ARHGAP28: variants seen among roughly 807,000 people sequenced by gnomAD.
ARHGAP28 encodes the protein Rho GTPase activating protein 28.
Under a neutral mutation model 90.7 loss-of-function variants are expected in ARHGAP28, and 56 were observed. That is an observed-to-expected ratio of 0.62 (90% CI 0.50 to 0.77). The LOEUF (loss-of-function observed/expected upper bound fraction) is 0.77, where lower values mean the gene tolerates loss of function less well. Among genes scored for constraint, ARHGAP28 ranks in the 30% least tolerant of loss-of-function variants. The pLI, the probability that ARHGAP28 is intolerant of heterozygous loss-of-function variation, is 0.00. For synonymous variants in ARHGAP28, 308 were observed against 323.3 expected, an observed-to-expected ratio of 0.95 and a Z score of 0.51; for missense variants, 869 against 900.9, an observed-to-expected ratio of 0.96 and a Z score of 0.45.
intron 1 of ARHGAP28, among the ~76,000 whole-genome samples, chr18:6,771,559 T>C (rs1316186812): frequency 5.9e-5 from 9 of 152,220 alleles, no homozygotes; most frequent in Non-Finnish European, 1.3e-4. Flanking sequence ...TTTCATCTCT[T>C]GGTAATTTTA....
chr18:6,838,940 T>C (rs975576328), intron 3 of ARHGAP28, among the ~76,000 whole-genome samples: 9 of 152,228 alleles, frequency 5.9e-5, no homozygotes, highest in African/African-American at 2.2e-4. Flanking sequence ...TTTAAATTCT[T>C]TGGGCCTGAC....
chr18:6,738,283 A>G (rs912478780), intron 1 of ARHGAP28, among the ~76,000 whole-genome samples: 11 of 152,086 alleles, frequency 7.2e-5, no homozygotes, highest in Non-Finnish European at 1.5e-4. Context: ...CCACAAATTT[A>G]CTTATATACA....
At chr18:6,831,471 G>GTTTTT (rs57331018) in intron 2 of ARHGAP28, among the ~76,000 whole-genome samples, 51 of 109,290 alleles carry the variant, frequency 4.7e-4, no homozygotes, top group East Asian at 1.4e-3. Flanking sequence ...GTATCTTGAT[G>GTTTTT]TTTTTTTTTT....
In ARHGAP28 at chr18:6,914,369, T is replaced by G. The variant is rs1028393754; in HGVS notation, c.*2215T>G. ...TGGCAACTTTCAACTTCCATACGTATATATGTATGTATGGAAGGCCATGTC... is the reference window on the plus strand; with the variant it reads ...TGGCAACTTTCAACTTCCATACGTAGATATGTATGTATGGAAGGCCATGTC... On this transcript the variant is annotated 3_prime_UTR_variant, in exon 18 of 18. Transcript: ENST00000383472. The G allele has an allele frequency of 1.3e-5, 2 of 152,306 alleles. No homozygotes were observed. Among genetic ancestry groups the G allele is most frequent in the East Asian group, 3.9e-4 (2 of 5,186 alleles). 9.4% of individuals were successfully genotyped at this position (152,306 alleles called of 1,614,324 possible). A position where few individuals can be genotyped will look rare whatever the true frequency, so the allele number is the denominator to read the frequency against.
chr18:6,877,013 CA>C (rs2057136525), intron 10 of ARHGAP28, among the ~76,000 whole-genome samples: 1 of 152,180 alleles, frequency 6.6e-6, no homozygotes, highest in Admixed American at 6.5e-5. Flanking sequence ...AAAACCTGAG[CA>C]GTTTTAAAAG....
intron 1 of ARHGAP28, among the ~76,000 whole-genome samples, chr18:6,794,012 ACCATTAAACTTTTT>A: frequency 6.6e-6 from 1 of 152,306 alleles, no homozygotes; most frequent in Admixed American, 6.5e-5. Flanking sequence ...GATAACAAAC[ACCATTAAACTTTTT>A]CCAGTTAAAA....
intron 1 of ARHGAP28, among the ~76,000 whole-genome samples, chr18:6,768,885 C>G (rs1429527229): frequency 2.6e-5 from 4 of 152,114 alleles, no homozygotes; most frequent in Non-Finnish European, 1.5e-5. Context: ...CATTCCCTTT[C>G]TCTCAGGCAT....
intron 8 of ARHGAP28, 37 bp from the exon 9 acceptor site, chr18:6,873,647 C>T: frequency 1.6e-6 from 2 of 1,221,046 alleles, no homozygotes; most frequent in Non-Finnish European, 1.1e-6. Flanking sequence ...TTTTCTAATT[C>T]TTTTTTTTTT....
intron 1 of ARHGAP28, among the ~76,000 whole-genome samples, chr18:6,739,809 A>AT (rs1236912359): frequency 1.3e-5 from 2 of 149,088 alleles, no homozygotes; most frequent in African/African-American, 4.9e-5. Context: ...AGTTAAAAAC[A>AT]TTTTTTTGTT....
intron 1 of ARHGAP28, among the ~76,000 whole-genome samples, chr18:6,787,536 A>C (rs1600184085): frequency 1.3e-5 from 2 of 152,282 alleles, no homozygotes; most frequent in South Asian, 4.1e-4. Flanking sequence ...AATTAGTTCT[A>C]TCTAGGCCCT....
At chr18:6,789,795 T>C (rs1183228870) in intron 1 of ARHGAP28, 1 of 152,046 alleles carries the variant, frequency 6.6e-6, no homozygotes, top group East Asian at 1.9e-4. Context: ...AGATGCAAAA[T>C]TAAAATATCA....
intron 1 of ARHGAP28, among the ~76,000 whole-genome samples, chr18:6,823,678 T>A (rs371886334): frequency 1.3e-5 from 2 of 151,994 alleles, no homozygotes; most frequent in African/African-American, 4.8e-5. Flanking sequence ...TGTAACATAT[T>A]TTCTAGTATT....
chr18:6,737,603 A>G (rs1345697354), intron 1 of ARHGAP28, among the ~76,000 whole-genome samples: 1 of 152,104 alleles, frequency 6.6e-6, no homozygotes, highest in African/African-American at 2.4e-5. Flanking sequence ...GGTTTCTTTG[A>G]GAGTCCTTTT....
chr18:6,856,187 A>G (rs1485072661), intron 4 of ARHGAP28, among the ~76,000 whole-genome samples: 4 of 152,164 alleles, frequency 2.6e-5, no homozygotes, highest in Non-Finnish European at 4.4e-5. Context: ...TCTGTTTTCT[A>G]GTTTTCTTCA....
intron 16 of ARHGAP28, among the ~76,000 whole-genome samples, chr18:6,908,640 C>T (rs1162959018): frequency 1.3e-5 from 2 of 152,188 alleles, no homozygotes; most frequent in Non-Finnish European, 2.9e-5. Context: ...GCAGCTGCTC[C>T]GTGTCCAGCC....
intron 3 of ARHGAP28, among the ~76,000 whole-genome samples, chr18:6,838,089 C>T (rs1050814825): frequency 1.3e-4 from 20 of 152,176 alleles, no homozygotes; most frequent in African/African-American, 4.8e-4. Context: ...TTATTCATTG[C>T]ACAATTGCAA....
chr18:6,877,560 C>T lies in ARHGAP28; in HGVS notation c.1290+1352C>T, dbSNP rs145199525. On this transcript the variant is annotated intron_variant, in intron 10 of 17. Coordinates refer to ENST00000383472, the MANE Select transcript of ARHGAP28 (RefSeq NM_001366230.1). ...CGTGAGGGCAAGGTCTTCCGTGAAG[C>T]GAGGTCGGAGCAGGGCACCAGGGCA... Among the ~76,000 whole-genome samples the T allele has an allele frequency of 8.5e-3, 1,289 of 152,278 alleles. 13 individuals are homozygous for T. The highest frequency in any genetic ancestry group is 0.027 in the African/African-American group (1,106 of 41,564).
At chr18:6,762,835 GAA>G (rs201807723) in intron 1 of ARHGAP28, among the ~76,000 whole-genome samples, 1 of 150,120 alleles carries the variant, frequency 6.7e-6, no homozygotes, top group African/African-American at 2.5e-5. Flanking sequence ...AGAACTGTGA[GAA>G]AAAAAAAATC....
intron 2 of ARHGAP28, among the ~76,000 whole-genome samples, chr18:6,830,996 C>G (rs1364383721): frequency 6.6e-6 from 1 of 152,186 alleles, no homozygotes; most frequent in African/African-American, 2.4e-5. Flanking sequence ...ACATAAGAAA[C>G]TGTGAAACTG....
Sources: allele counts gnomAD v4.1 joint callset (sites outside exome capture counted in the v4.1 genomes callset), GRCh38; gene constraint gnomAD v4.1.1; transcripts MANE v1.5; gene names NCBI Gene and HGNC (gene_info 2026-07-23, HGNC 2026-07-21).